The following TUT4 variants were observed in gnomAD, a reference collection of about 807,000 sequenced individuals.
TUT4 encodes terminal uridylyltransferase 4.
TUT4 carries 36 observed loss-of-function variants against 192.2 expected under a neutral mutation model. The observed-to-expected ratio is 0.19, with a 90% CI of 0.14 to 0.25. TUT4 has a LOEUF of 0.25. Among genes scored for constraint, TUT4 ranks in the 10% least tolerant of loss-of-function variants. TUT4 has a pLI of 1.00. For missense variants in TUT4, 1,493 were observed against 1,957.2 expected (o/e 0.76, Z 4.47); for synonymous variants, 618 against 666.0 (o/e 0.93, Z 1.11).
intron 28 of TUT4, 84 bp downstream of exon 28, chr1:52,430,929 C>G (rs1651867516): frequency 6.9e-7 from 1 of 1,439,218 alleles, no homozygotes; most frequent in African/African-American, 1.4e-5. Context: ...TACTGCTTTC[C>G]TTCTTTTTCC....
At chr1:52,524,709 G>C (rs1011377639) in intron 2 of TUT4, among the ~76,000 whole-genome samples, 1 of 151,984 alleles carries the variant, frequency 6.6e-6, no homozygotes, top group African/African-American at 2.4e-5. Flanking sequence ...AGGAGGCTGA[G>C]ACAGAATTGC....
At chr1:52,477,618 C>T in intron 12 of TUT4, 90 bp downstream of exon 12, 1 of 1,254,682 alleles carries the variant, frequency 8.0e-7, no homozygotes, top group Non-Finnish European at 1.1e-6. Flanking sequence ...ATATATAGTG[C>T]CACAAAGCCA....
intron 14 of TUT4, chr1:52,468,496 CAG>C (rs1373035587): frequency 2.3e-6 from 1 of 435,702 alleles, no homozygotes; most frequent in African/African-American, 2.1e-5. Context: ...ATAAATGAAA[CAG>C]AAAAATAATT....
chr1:52,465,498 C>A (rs1206438864), intron 15 of TUT4, among the ~76,000 whole-genome samples: 2 of 152,168 alleles, frequency 1.3e-5, no homozygotes, highest in Admixed American at 6.5e-5. Context: ...TACACAGATG[C>A]CCACATCAGA....
chr1:52,491,628 A>C (rs1475454498), intron 7 of TUT4, among the ~76,000 whole-genome samples: 2 of 152,190 alleles, frequency 1.3e-5, no homozygotes, highest in African/African-American at 4.8e-5. Flanking sequence ...CAGAGGTTGA[A>C]GTGAGCCGAG....
chr1:52,509,502 C>G (rs1367160476), intron 4 of TUT4, 94 bp downstream of exon 4: 1 of 791,834 alleles, frequency 1.3e-6, no homozygotes, highest in African/African-American at 1.8e-5. Context: ...TAAGATTGGA[C>G]AAATATTTCA....
Position 52,435,353 on chromosome 1 carries a change from C to T in TUT4, c.4263+12G>A, listed in dbSNP as rs956202106. The T allele has an allele frequency of 3.7e-6, 6 of 1,606,330 alleles. No individual in the cohort carries two copies. In the South Asian group the frequency reaches 6.6e-5, roughly 18 times the overall value. ...CAGTCAAGACTAACACATTCACAGG[C>T]AGAGTACTTACACATTCTGATGACT... is the stretch of plus-strand genomic sequence containing the variant. On this transcript the variant is annotated intron_variant, in intron 27 of 29. Transcript: ENST00000257177.
intron 7 of TUT4, among the ~76,000 whole-genome samples, chr1:52,492,452 A>C (rs1671413566): frequency 6.6e-6 from 1 of 152,250 alleles, no homozygotes; most frequent in Non-Finnish European, 1.5e-5. Flanking sequence ...AAGTTATTGT[A>C]TATCCCACAC....
chr1:52,464,413 C>T (rs779452751), intron 16 of TUT4, among the ~76,000 whole-genome samples: 2 of 152,070 alleles, frequency 1.3e-5, no homozygotes, highest in African/African-American at 4.8e-5. Flanking sequence ...TGCCACCATG[C>T]CCAGCTAATT....
At chr1:52,542,684 A>G (rs1042841249) in intron 1 of TUT4, among the ~76,000 whole-genome samples, 3 of 152,344 alleles carry the variant, frequency 2.0e-5, no homozygotes, top group Non-Finnish European at 4.4e-5. Flanking sequence ...ATACTCAATG[A>G]TAAAAATGAA....
intron 22 of TUT4, 74 bp from the exon 23 acceptor site, chr1:52,446,078 G>T: frequency 7.0e-7 from 1 of 1,425,654 alleles, no homozygotes; most frequent in Non-Finnish European, 9.6e-7. Flanking sequence ...AGTCACCGCT[G>T]AAGTCTAATA....
intron 3 of TUT4, 81 bp from the exon 4 acceptor site, chr1:52,509,793 T>C (rs1280454391): frequency 2.4e-6 from 2 of 825,090 alleles, no homozygotes; most frequent in Non-Finnish European, 4.1e-6. Flanking sequence ...AATAATACAA[T>C]TATGTAAGTA....
chr1:52,505,390 G>A (rs996102988), intron 4 of TUT4, among the ~76,000 whole-genome samples: 6 of 146,610 alleles, frequency 4.1e-5, no homozygotes, highest in African/African-American at 1.5e-4. Flanking sequence ...TGTTATAGAA[G>A]TCGTCTTCTA....
At chr1:52,439,821 A>G (rs1187909190) in intron 24 of TUT4, among the ~76,000 whole-genome samples, 1 of 152,226 alleles carries the variant, frequency 6.6e-6, no homozygotes, top group East Asian at 1.9e-4. Flanking sequence ...TTGCACACAA[A>G]TATTCACAAC....
At position 52,436,819 on chromosome 1, in the gene TUT4, A is replaced by G. The variant is rs1436094547; in HGVS notation, c.4098T>C (p.Ala1366=). 1.2e-6 allele frequency: 2 copies of G among 1,613,308 alleles called. No individual in the cohort carries two copies. Among genetic ancestry groups the G allele is most frequent in the African/African-American group, 2.7e-5 (2 of 74,710 alleles). Residue 1366 remains alanine (A), a synonymous_variant, in exon 26 of 30, where the codon GCT becomes GCC. Coordinates refer to ENST00000257177, the MANE Select transcript of TUT4 (RefSeq NM_001009881.3). ...CTGGGCACTCCCTTCGTACATGTCC[A>G]GCATCTCCACATATAAAACATCTGA... ...RDLRCFICGD[A]GHVRRECPEV...
chr1:52,430,980 AT>A (rs1651886541), intron 28 of TUT4, 32 bp downstream of exon 28: 1 of 1,525,280 alleles, frequency 6.6e-7, no homozygotes, highest in African/African-American at 1.4e-5. Flanking sequence ...AAGAAAAGAC[AT>A]GCAGATAAAA....
chr1:52,513,436 T>C (rs1008703407), intron 3 of TUT4, among the ~76,000 whole-genome samples: 6 of 134,370 alleles, frequency 4.5e-5, no homozygotes, highest in African/African-American at 1.3e-4. Flanking sequence ...TGTACCAAGT[T>C]CAAGAGGCCA....
intron 3 of TUT4, among the ~76,000 whole-genome samples, chr1:52,510,415 T>C (rs1022378301): frequency 1.7e-4 from 25 of 151,502 alleles, no homozygotes; most frequent in African/African-American, 5.8e-4. Flanking sequence ...CTTGCAGCCA[T>C]TTTGATTACC....
intron 4 of TUT4, among the ~76,000 whole-genome samples, chr1:52,499,085 G>C (rs993299462): frequency 6.6e-6 from 1 of 150,850 alleles, no homozygotes; most frequent in African/African-American, 2.4e-5. Flanking sequence ...GCTGCAAAAC[G>C]TACTACAAAG....
Sources: gnomAD v4.1 joint callset for allele counts (sites outside exome capture counted in the v4.1 genomes callset) on GRCh38, gnomAD v4.1.1 for gene constraint, MANE v1.5 for transcripts, NCBI Gene and HGNC (gene_info 2026-07-23, HGNC 2026-07-21) for gene names.